TAX1BP1: variants seen among roughly 807,000 people sequenced by gnomAD.
The protein encoded by TAX1BP1 is tax1-binding protein 1.
Under a neutral mutation model 97.7 loss-of-function variants are expected in TAX1BP1, and 62 were observed. That is an observed-to-expected ratio of 0.63 (90% confidence interval 0.52 to 0.78). TAX1BP1 has a LOEUF of 0.78. Among genes scored for constraint, TAX1BP1 ranks in the 30% least tolerant of loss-of-function variants. TAX1BP1 has a pLI of 0.00. For missense variants in TAX1BP1, 867 were observed against 916.1 expected (o/e 0.95, Z 0.69); for synonymous variants, 340 against 304.2 (o/e 1.12, Z -1.23).
At chr7:27,752,241 A>G (rs1032250369) in intron 2 of TAX1BP1, among the ~76,000 whole-genome samples, 2 of 152,190 alleles carry the variant, frequency 1.3e-5, no homozygotes, top group African/African-American at 4.8e-5. Flanking sequence ...TCAACAGTCA[A>G]TTGAATTAGA....
chr7:27,797,009 T>A lies in TAX1BP1; in HGVS notation c.1638+790T>A, dbSNP rs185998354. ...GATTATTATTATTTTATTTTATTTT[T>A]TTTTTTGATACGGAGTCTCACTCTC... On this transcript the variant is annotated intron_variant, in intron 12 of 16. Coordinates refer to ENST00000396319, the MANE Select transcript of TAX1BP1 (RefSeq NM_006024.7). Among the ~76,000 whole-genome samples, 544 of 151,882 alleles carry A rather than the reference T, an allele frequency of 3.6e-3. 1 individual carries two copies. The highest frequency in any genetic ancestry group is 5.7e-3 in the Non-Finnish European group (384 of 67,960).
chr7:27,800,090 A>G lies in TAX1BP1; in HGVS notation c.1764A>G (p.Lys588=). Residue 588 remains lysine (K), a splice_region_variant and synonymous_variant, in exon 13 of 17, where the codon AAA becomes AAG. Transcript: ENST00000396319. The part of the protein sequence containing the change: ...LELAEVQDNY[K]ELKRSLENPA... ...TAGCTGAAGTACAGGACAATTATAA[A>G]GTAAGTTTGGTACTCCTTGTATGTA... 1 of 1,572,710 alleles carries G rather than the reference A, an allele frequency of 6.4e-7. No individual in the cohort carries two copies. The highest frequency in any genetic ancestry group is 8.6e-7 in the Non-Finnish European group (1 of 1,161,036).
At chr7:27,798,074 T>C (rs1422132702) in intron 12 of TAX1BP1, among the ~76,000 whole-genome samples, 1 of 152,166 alleles carries the variant, frequency 6.6e-6, no homozygotes, top group East Asian at 1.9e-4. Context: ...TAGCCTACCT[T>C]TTAGACAATT....
At chr7:27,786,587 C>A (rs1421686051) in intron 7 of TAX1BP1, among the ~76,000 whole-genome samples, 1 of 151,968 alleles carries the variant, frequency 6.6e-6, no homozygotes, top group Non-Finnish European at 1.5e-5. Flanking sequence ...GAGTTAAGTC[C>A]GTTTCTTGTT....
intron 5 of TAX1BP1, among the ~76,000 whole-genome samples, chr7:27,780,587 G>C (rs1456929250): frequency 6.6e-6 from 1 of 152,080 alleles, no homozygotes; most frequent in Non-Finnish European, 1.5e-5. Flanking sequence ...AAGGCATTTA[G>C]TATCTAATAC....
chr7:27,802,265 A>G (rs976530362), intron 13 of TAX1BP1, among the ~76,000 whole-genome samples: 2 of 152,306 alleles, frequency 1.3e-5, no homozygotes, highest in Admixed American at 6.5e-5. Context: ...ATTTGGCAGC[A>G]TTGAAGAGGA....
chr7:27,810,348 G>T (rs1790510691), intron 13 of TAX1BP1, among the ~76,000 whole-genome samples: 1 of 151,820 alleles, frequency 6.6e-6, no homozygotes, highest in Non-Finnish European at 1.5e-5. Context: ...GATATCTTTT[G>T]AATGCCTTTC....
chr7:27,806,564 A>G (rs1790348739), intron 13 of TAX1BP1, among the ~76,000 whole-genome samples: 1 of 152,106 alleles, frequency 6.6e-6, no homozygotes, highest in African/African-American at 2.4e-5. Context: ...ATAGATTTCC[A>G]TATGCAGTTG....
intron 13 of TAX1BP1, among the ~76,000 whole-genome samples, chr7:27,806,312 C>G (rs2128321992): frequency 6.6e-6 from 1 of 151,876 alleles, no homozygotes; most frequent in Non-Finnish European, 1.5e-5. Context: ...TCTCAAACTC[C>G]TGACCTCAGG....
chr7:27,742,112 G>T (rs1200244785), intron 1 of TAX1BP1, among the ~76,000 whole-genome samples: 2 of 152,174 alleles, frequency 1.3e-5, no homozygotes. Flanking sequence ...CCATGCCCAG[G>T]GACGGGCAGG....
chr7:27,766,275 A>AC (rs1442543811), intron 4 of TAX1BP1, among the ~76,000 whole-genome samples: 1 of 151,582 alleles, frequency 6.6e-6, no homozygotes, highest in South Asian at 2.1e-4. Flanking sequence ...AAAAAATTAG[A>AC]CGGGCGTGGT....
intron 13 of TAX1BP1, among the ~76,000 whole-genome samples, chr7:27,806,066 T>A (rs1790323685): frequency 6.6e-6 from 1 of 151,966 alleles, no homozygotes; most frequent in African/African-American, 2.4e-5. Flanking sequence ...TTGTGTTTTG[T>A]TCTAATACTG....
chr7:27,791,519 C>G (rs975888574), intron 8 of TAX1BP1, among the ~76,000 whole-genome samples: 1 of 152,016 alleles, frequency 6.6e-6, no homozygotes, highest in Non-Finnish European at 1.5e-5. Flanking sequence ...TAAATCTGTT[C>G]TGTGTTTTTA....
chr7:27,769,446 T>C (rs1052708367), intron 4 of TAX1BP1, among the ~76,000 whole-genome samples: 5 of 151,956 alleles, frequency 3.3e-5, no homozygotes, highest in Non-Finnish European at 7.4e-5. Flanking sequence ...AGTTCTCTCA[T>C]TTTGTAATAT....
At chr7:27,809,970 C>T (rs1023041865) in intron 13 of TAX1BP1, among the ~76,000 whole-genome samples, 5 of 151,824 alleles carry the variant, frequency 3.3e-5, no homozygotes, top group East Asian at 1.9e-4. Context: ...TGCAGTGGCG[C>T]GATCTTGGCT....
intron 14 of TAX1BP1, 94 bp downstream of exon 14, chr7:27,816,614 A>G: frequency 1.8e-6 from 2 of 1,110,152 alleles, no homozygotes; most frequent in Non-Finnish European, 1.3e-6. Flanking sequence ...GGTATAATCA[A>G]CCCTAATACA....
chr7:27,778,408 GT>G, intron 5 of TAX1BP1, among the ~76,000 whole-genome samples: 1 of 152,062 alleles, frequency 6.6e-6, no homozygotes, highest in Non-Finnish European at 1.5e-5. Context: ...ATATTACGTA[GT>G]TTAACAAACG....
chr7:27,819,263 T>TA (rs914200119), intron 15 of TAX1BP1, among the ~76,000 whole-genome samples: 131 of 146,300 alleles, frequency 9.0e-4, no homozygotes, highest in East Asian at 6.7e-3. Flanking sequence ...TAGTGACCAT[T>TA]AAAAAAAAAA....
chr7:27,806,380 G>GT (rs550558399), intron 13 of TAX1BP1, among the ~76,000 whole-genome samples: 11,862 of 142,964 alleles, frequency 0.083, 620 homozygotes, highest in Middle Eastern at 0.14. Flanking sequence ...GCCACCATCA[G>GT]TTTTTTTTTT....
Sources: allele counts gnomAD v4.1 joint callset (sites outside exome capture counted in the v4.1 genomes callset), GRCh38; gene constraint gnomAD v4.1.1; transcripts MANE v1.5; gene names NCBI Gene and HGNC (gene_info 2026-07-23, HGNC 2026-07-21).